FMN2: variants seen among roughly 807,000 people sequenced by gnomAD.
FMN2 encodes the protein formin-2.
Under a neutral mutation model 142.3 loss-of-function variants are expected in FMN2, and 51 were observed. That is an observed-to-expected ratio of 0.36 (90% confidence interval 0.29 to 0.45). The LOEUF is 0.45. FMN2 is among the 20% of genes least tolerant of loss of function. The pLI is 1.00. For synonymous variants in FMN2, 882 were observed against 869.8 expected (o/e 1.01, Z -0.25); for missense variants, 1,936 against 2,122.8 (o/e 0.91, Z 1.73).
intron 15 of FMN2, among the ~76,000 whole-genome samples, chr1:240,402,238 C>A (rs924087967): frequency 6.6e-6 from 1 of 152,114 alleles, no homozygotes. Context: ...TAAAAACAAA[C>A]AATGGTGAGT....
intron 6 of FMN2, chr1:240,235,878 TC>T (rs1667694023): frequency 6.6e-6 from 1 of 152,182 alleles, no homozygotes. Context: ...CAGAAAAAAA[TC>T]CCACCCAGAA....
At position 240,137,369 on chromosome 1, in the gene FMN2, T is replaced by C. The variant is rs182893558; in HGVS notation, c.1782+14024T>C. On this transcript the variant is annotated intron_variant, in intron 2 of 17. Coordinates refer to ENST00000319653, the MANE Select transcript of FMN2 (RefSeq NM_020066.5). ...GCCTGTCACAACTACTCAAGTCCAC[T>C]GTTGTGGTGTAAAAGCAGCCACGGA... is the stretch of plus-strand genomic sequence containing the variant. Among the ~76,000 whole-genome samples the C allele has an allele frequency of 1.1e-3, 167 of 152,268 alleles. 2 individuals carry two copies. The highest frequency in any genetic ancestry group is 3.8e-3 in the African/African-American group (156 of 41,542).
chr1:240,226,421 C>T (rs1017173490), intron 6 of FMN2, among the ~76,000 whole-genome samples: 3 of 152,192 alleles, frequency 2.0e-5, no homozygotes, highest in Admixed American at 6.5e-5. Flanking sequence ...AACCAGTCAT[C>T]TTACATCCAG....
intron 2 of FMN2, among the ~76,000 whole-genome samples, chr1:240,155,033 G>A (rs1036514362): frequency 6.6e-6 from 1 of 151,622 alleles, no homozygotes; most frequent in African/African-American, 2.4e-5. Flanking sequence ...TAGGACTAGA[G>A]TTGCACACCA....
intron 2 of FMN2, among the ~76,000 whole-genome samples, chr1:240,154,365 G>A (rs1365388042): frequency 1.3e-5 from 2 of 152,168 alleles, no homozygotes; most frequent in African/African-American, 2.4e-5. Context: ...GGCATTTGAA[G>A]TGGCACATGA....
At chr1:240,201,065 T>C (rs2103372251) in intron 4 of FMN2, among the ~76,000 whole-genome samples, 1 of 152,342 alleles carries the variant, frequency 6.6e-6, no homozygotes, top group Non-Finnish European at 1.5e-5. Context: ...ATGGGGTATA[T>C]CAATTCTTTA....
intron 1 of FMN2, among the ~76,000 whole-genome samples, chr1:240,109,558 C>A (rs558754900): frequency 6.6e-6 from 1 of 152,250 alleles, no homozygotes; most frequent in East Asian, 1.9e-4. Flanking sequence ...CATTTAGATA[C>A]TCTTGCAGGA....
chr1:240,279,994 A>G lies in FMN2; in HGVS notation c.4154-14828A>G, dbSNP rs574007098. Among the ~76,000 whole-genome samples, 6 of 152,280 alleles carry G rather than the reference A, an allele frequency of 3.9e-5. 1 individual carries two copies. The highest frequency in any genetic ancestry group is 1.2e-4 in the African/African-American group (5 of 41,570). ...CATATTGGAAATGTAATGAAATACA[A>G]GTTGATTAAGGTGATCTCTGTAGTA... On this transcript the variant is annotated intron_variant, in intron 7 of 17. Transcript: ENST00000319653.
intron 14 of FMN2, among the ~76,000 whole-genome samples, chr1:240,380,932 A>G (rs1434189581): frequency 2.6e-5 from 4 of 152,284 alleles, no homozygotes; most frequent in Admixed American, 1.3e-4. Flanking sequence ...AAATACAAAA[A>G]TCATCAGAGA....
chr1:240,329,644 C>T (rs1229110548), intron 10 of FMN2, among the ~76,000 whole-genome samples, 176 bp downstream of exon 10: 2 of 152,076 alleles, frequency 1.3e-5, no homozygotes, highest in African/African-American at 2.4e-5. Flanking sequence ...GTAAATGTTC[C>T]GGCGGGCGCC....
At position 240,129,083 on chromosome 1, in the gene FMN2, A is replaced by G. The variant is rs901310277; in HGVS notation, c.1782+5738A>G. ...GTGACGAGGTTTTACCATGTTGGCC[A>G]CCCTGGTCTTGAACTCCTGACCTCA... On this transcript the variant is annotated intron_variant, in intron 2 of 17. Coordinates refer to ENST00000319653, the MANE Select transcript of FMN2 (RefSeq NM_020066.5). Among the ~76,000 whole-genome samples, 6 of 152,124 alleles carry G rather than the reference A, an allele frequency of 3.9e-5. No individual in the cohort carries two copies. In the South Asian group the frequency reaches 1.2e-3, roughly 32 times the overall value.
chr1:240,208,088 C>T lies in FMN2; in HGVS notation c.3276C>T (p.Pro1092=), dbSNP rs372592302. 694 of 869,078 alleles carry T rather than the reference C, an allele frequency of 8.0e-4. 1 individual carries two copies. The highest frequency in any genetic ancestry group is 1.4e-3 in the Admixed American group (67 of 48,000). The allele number at this position is 869,078 out of a possible 1,614,324, so 53.8% of individuals were successfully genotyped here. A position where few individuals can be genotyped will look rare whatever the true frequency, so the allele number is the denominator to read the frequency against. Residue 1092 remains proline (P), a synonymous_variant, in exon 5 of 18, where the codon CCC becomes CCT. Transcript: ENST00000319653. ...GCATACCCCCACCTCCCCCTCTACCCGGAGCGGGCATACCCCCTCCGCCCC... is the reference window on the plus strand; with the variant it reads ...GCATACCCCCACCTCCCCCTCTACCTGGAGCGGGCATACCCCCTCCGCCCC... ...GAGIPPPPPL[P]GAGIPPPPPL... is the part of the protein sequence containing the mutation.
intron 16 of FMN2, among the ~76,000 whole-genome samples, chr1:240,447,623 T>TGCAATTACTTTTGC: frequency 6.6e-6 from 1 of 152,224 alleles, no homozygotes; most frequent in Non-Finnish European, 1.5e-5. Flanking sequence ...ATTATTTTTA[T>TGCAATTACTTTTGC]GGCAAAAACT....
rs761572211 is a variant in FMN2 at position 240,207,815 on chromosome 1, C to G, written c.3003C>G (p.Pro1001=). Residue 1001 remains proline (P), a synonymous_variant, in exon 5 of 18, where the codon CCC becomes CCG. Coordinates refer to ENST00000319653, the MANE Select transcript of FMN2 (RefSeq NM_020066.5). ...PLPGAGIPPP[P]PLPGAGIPPP... ...CCGGAGCGGGCATACCCCCTCCGCC[C>G]CCACTTCCCGGAGCGGGCATACCCC... 371 of 595,866 alleles carry G rather than the reference C, an allele frequency of 6.2e-4. 4 individuals carry two copies. Among genetic ancestry groups the G allele is most frequent in the Non-Finnish European group, 7.8e-4 (292 of 372,458 alleles). The allele number at this position is 595,866 out of a possible 1,614,324, so 36.9% of individuals were successfully genotyped here.
At chr1:240,250,865 T>C (rs537790918) in intron 6 of FMN2, among the ~76,000 whole-genome samples, 14 of 152,166 alleles carry the variant, frequency 9.2e-5, no homozygotes, top group Non-Finnish European at 1.9e-4. Flanking sequence ...TTTTCCAGTA[T>C]ATTATTGTAT....
chr1:240,374,543 TC>T (rs1672981503), intron 14 of FMN2, among the ~76,000 whole-genome samples: 1 of 152,180 alleles, frequency 6.6e-6, no homozygotes, highest in African/African-American at 2.4e-5. Flanking sequence ...GGAGACAGAT[TC>T]TTTCTTTAAA....
chr1:240,445,704 T>TTTG (rs1199548363), intron 16 of FMN2, among the ~76,000 whole-genome samples: 2 of 150,536 alleles, frequency 1.3e-5, no homozygotes, highest in East Asian at 2.0e-4. Flanking sequence ...ATCAAAGGGT[T>TTTG]TTTTTTTTTT....
Position 240,207,638 on chromosome 1 carries a change from AC to A in FMN2, c.2828del (p.Pro943LeufsTer332). 3 of 1,127,952 alleles carry A rather than the reference AC, an allele frequency of 2.7e-6. No homozygotes were observed. The highest frequency in any genetic ancestry group is 3.5e-6 in the Non-Finnish European group (3 of 866,944). The allele number at this position is 1,127,952 out of a possible 1,614,324, so 69.9% of individuals were successfully genotyped here. On this transcript the variant is annotated frameshift_variant, in exon 5 of 18. Transcript: ENST00000319653. LOFTEE classifies it high-confidence loss of function. ...TGCCCCCTCTACCCGGAGCGGGAAT[AC>A]CTCCTCCGCCCCCTCTACCCGGAGC... ...PLPPLPGAGI[P>X]PPPPLPGAAI...
intron 2 of FMN2, among the ~76,000 whole-genome samples, chr1:240,128,392 A>G (rs1379757097): frequency 2.0e-5 from 3 of 152,210 alleles, no homozygotes; most frequent in Admixed American, 6.5e-5. Flanking sequence ...TATATGATCT[A>G]CTTACATCAC....
Sources: gnomAD v4.1 joint callset for allele counts (sites outside exome capture counted in the v4.1 genomes callset) on GRCh38, gnomAD v4.1.1 for gene constraint, MANE v1.5 for transcripts, NCBI Gene and HGNC (gene_info 2026-07-23, HGNC 2026-07-21) for gene names.